The following DMBT1 variants were observed in gnomAD, a reference collection of about 807,000 sequenced individuals.
The protein encoded by DMBT1 is scavenger receptor cysteine-rich domain-containing protein DMBT1.
Under a neutral mutation model 252.9 loss-of-function variants are expected in DMBT1, and 198 were observed. The ratio of observed to expected loss-of-function variants is 0.78; its 90% CI spans 0.70 to 0.88. The LOEUF is 0.88. Ranked by LOEUF, DMBT1 falls within the 40% of genes least tolerant of loss-of-function variation. The pLI is 0.00. For synonymous variants in DMBT1, 990 were observed against 942.7 expected (o/e 1.05, Z -0.92); for missense variants, 2,432 against 2,404.7 (o/e 1.01, Z -0.24).
At chr10:122,637,084 G>T (rs2098232861) in intron 53 of DMBT1, 44 bp from the exon 54 acceptor site, 3 of 1,582,180 alleles carry the variant, frequency 1.9e-6, no homozygotes, top group Non-Finnish European at 2.6e-6. Flanking sequence ...GACTTGTGGA[G>T]TCTGGGGCAG....
rs763626654 is a variant in DMBT1, at chr10:122,587,021, C to T, written c.1783+638C>T. The stretch of plus-strand genomic sequence containing the variant: ...AACTTACCCCTGACCAGGGAGGACA[C>T]TAAGTTATTCATGAAGAGTTGGCCT... On this transcript the variant is annotated intron_variant, in intron 16 of 55. Transcript: ENST00000338354. Among the ~76,000 whole-genome samples the T allele has an allele frequency of 3.4e-5, 5 of 148,636 alleles. 1 individual carries two copies. In the Middle Eastern group the frequency reaches 0.017, roughly 509 times the overall value.
intron 2 of DMBT1, 103 bp downstream of exon 2, chr10:122,566,099 C>G: frequency 7.8e-7 from 1 of 1,288,188 alleles, no homozygotes; most frequent in Non-Finnish European, 1.1e-6. Flanking sequence ...ACAGAGCAAA[C>G]GCCTGCCTTG....
At chr10:122,638,741 G>A (rs1566043492) in intron 54 of DMBT1, among the ~76,000 whole-genome samples, 1 of 152,208 alleles carries the variant, frequency 6.6e-6, no homozygotes. Context: ...ACTGCTCCTG[G>A]CCTCCTCTAT....
chr10:122,585,058 C>T (rs930401257), intron 14 of DMBT1, among the ~76,000 whole-genome samples: 1 of 148,662 alleles, frequency 6.7e-6, no homozygotes, highest in Non-Finnish European at 1.5e-5. Context: ...TCCCACACTT[C>T]AGAGGCAGGA....
rs770633402 is a variant in DMBT1 at position 122,579,780 on chromosome 10, A to G, written c.882A>G (p.Gly294=). 1.2e-6 allele frequency: 2 copies of G among 1,613,698 alleles called. No homozygotes were observed. The highest frequency in any genetic ancestry group is 1.7e-6 in the Non-Finnish European group (2 of 1,179,728). The change falls in exon 10 of 56, where the codon GGA becomes GGG. Residue 294 remains glycine, a synonymous_variant. Coordinates refer to ENST00000338354, the MANE Select transcript of DMBT1 (RefSeq NM_001377530.1). ...PGNAQFGQGS[G]PIVLDDVRCS... ...ATGCCCAGTTTGGCCAGGGCTCAGGACCCATTGTCCTGGATGATGTGCGCT... is the reference window on the plus strand; with the variant it reads ...ATGCCCAGTTTGGCCAGGGCTCAGGGCCCATTGTCCTGGATGATGTGCGCT...
At chr10:122,597,732 TTG>T (rs1335174780) in intron 24 of DMBT1, among the ~76,000 whole-genome samples, 1 of 152,140 alleles carries the variant, frequency 6.6e-6, no homozygotes, top group Admixed American at 6.5e-5. Context: ...GGCTAACCCT[TTG>T]TGACTGAGAA....
chr10:122,620,706 T>G (rs1444413098), intron 43 of DMBT1, among the ~76,000 whole-genome samples: 5 of 152,180 alleles, frequency 3.3e-5, no homozygotes, highest in Non-Finnish European at 7.3e-5. Context: ...ATCATGTGGG[T>G]GCCACCAAAC....
intron 46 of DMBT1, among the ~76,000 whole-genome samples, chr10:122,626,706 C>T (rs928171552): frequency 2.0e-5 from 3 of 152,186 alleles, no homozygotes; most frequent in African/African-American, 7.2e-5. Context: ...TGATCTTCTT[C>T]CTCAGAGCTC....
At chr10:122,634,430 TTCTC>T (rs764559052) in intron 52 of DMBT1, among the ~76,000 whole-genome samples, 3,283 of 74,148 alleles carry the variant, frequency 0.044, 199 homozygotes, top group Non-Finnish European at 0.067. Flanking sequence ...TCTCTCTCTC[TTCTC>T]TCTCTCTCTC....
intron 52 of DMBT1, among the ~76,000 whole-genome samples, chr10:122,634,458 C>T (rs1014870903): frequency 2.2e-4 from 23 of 102,604 alleles, no homozygotes; most frequent in African/African-American, 1.1e-3. Flanking sequence ...CTCTCTCTCT[C>T]TCTCTCTCTC....
In DMBT1 at chr10:122,599,049, C is replaced by G. The variant is rs1591400797; in HGVS notation, c.3232C>G (p.Leu1078Val). Residue 1078 changes from leucine to valine, a missense_variant, in exon 26 of 56, where the codon CTC becomes GTC. Leu to Val is a conservative substitution (Grantham distance 32, BLOSUM62 1). Transcript: ENST00000338354. ...GTGGAGCTGCCCCCACAATGGCTGG[C>G]TCTCCCACAACTGTGGCCATAGTGA... ...YLWSCPHNGWLSHNCGHSEDA... is the reference protein window; with the variant it reads ...YLWSCPHNGWVSHNCGHSEDA... The G allele has an allele frequency of 1.9e-6, 3 of 1,613,814 alleles. No homozygotes were observed. The highest frequency in any genetic ancestry group is 2.5e-6 in the Non-Finnish European group (3 of 1,179,754).
At chr10:122,630,174 G>A (rs1280791434) in intron 47 of DMBT1, 114 bp from the exon 48 acceptor site, 2 of 1,349,004 alleles carry the variant, frequency 1.5e-6, no homozygotes, top group African/African-American at 1.4e-5. Flanking sequence ...AATTGAGGAA[G>A]AGCTAGAAGA....
chr10:122,639,431 C>T (rs572353196), intron 54 of DMBT1, among the ~76,000 whole-genome samples: 4 of 150,206 alleles, frequency 2.7e-5, no homozygotes, highest in African/African-American at 4.9e-5. Flanking sequence ...GGGGTGGGGC[C>T]GTTTTATAGG....
Position 122,626,317 on chromosome 10 carries a change from A to T in DMBT1, c.5668+352A>T, listed in dbSNP as rs954777617. ...TCATTGCTTTTAAAAAATAATAGGGATACTTTTCTGTGTTATTAAATCTTT... is the reference window on the plus strand; with the variant it reads ...TCATTGCTTTTAAAAAATAATAGGGTTACTTTTCTGTGTTATTAAATCTTT... On this transcript the variant is annotated intron_variant, in intron 46 of 55. Transcript: ENST00000338354. Among the ~76,000 whole-genome samples the T allele has an allele frequency of 4.6e-5, 7 of 152,242 alleles. No individual in the cohort carries two copies. In the East Asian group the frequency reaches 1.3e-3, roughly 29 times the overall value.
At chr10:122,588,899 A>G in intron 16 of DMBT1, 45 bp from the exon 17 acceptor site, 1 of 1,585,658 alleles carries the variant, frequency 6.3e-7, no homozygotes, top group Non-Finnish European at 8.6e-7. Flanking sequence ...TAGATCCTTG[A>G]CCTGCTGATA....
chr10:122,638,344 C>T (rs1025269303), intron 54 of DMBT1, among the ~76,000 whole-genome samples: 14 of 138,356 alleles, frequency 1.0e-4, no homozygotes, highest in African/African-American at 3.9e-4. Flanking sequence ...TTTGGAGCGG[C>T]CAGACAACTC....
At chr10:122,620,075 G>A (rs1428655591) in intron 42 of DMBT1, among the ~76,000 whole-genome samples, 178 bp from the exon 43 acceptor site, 1 of 152,232 alleles carries the variant, frequency 6.6e-6, no homozygotes, top group Non-Finnish European at 1.5e-5. Flanking sequence ...CTGGTCTCCA[G>A]CAAGGCCTTT....
At chr10:122,627,403 C>T (rs3013174) in intron 46 of DMBT1, among the ~76,000 whole-genome samples, 65,247 of 151,972 alleles carry the variant, frequency 0.43, 16,330 homozygotes, top group East Asian at 0.67. Context: ...CATTGTATAA[C>T]CCATCATTTT....
Position 122,598,904 on chromosome 10 carries a change from C to A in DMBT1, c.3087C>A (p.Val1029=), listed in dbSNP as rs2277242. ...GCTGGGACACCAATGATGCCAATGT[C>A]GTCTGCAGGCAACTGGGCTGTGGCT... ...DDSWDTNDAN[V]VCRQLGCGWA... The change falls in exon 26 of 56, where the codon GTC becomes GTA. Residue 1029 remains valine (V), a synonymous_variant. Transcript: ENST00000338354. 0.011 allele frequency: 17,625 copies of A among 1,613,712 alleles called. 1,085 individuals carry two copies. The South Asian group carries it at 0.14, about 12-fold the overall frequency.
Sources: allele counts gnomAD v4.1 joint callset (sites outside exome capture counted in the v4.1 genomes callset), GRCh38; gene constraint gnomAD v4.1.1; transcripts MANE v1.5; gene names NCBI Gene and HGNC (gene_info 2026-07-23, HGNC 2026-07-21).